Variants in SDK1 observed in about 807,000 individuals in gnomAD.
SDK1 encodes the protein protein sidekick-1.
SDK1 carries 157 observed loss-of-function variants against 245.5 expected under a neutral mutation model. The ratio of observed to expected loss-of-function variants is 0.64; its 90% CI spans 0.56 to 0.73. The LOEUF (loss-of-function observed/expected upper bound fraction) is 0.73, where lower values mean the gene tolerates loss of function less well. SDK1 is among the 30% of genes least tolerant of loss of function. SDK1 has a pLI of 0.00. For missense variants in SDK1, 3,583 were observed against 3,002.3 expected, an observed-to-expected ratio of 1.19 and a Z score of -4.52; for synonymous variants, 1,647 against 1,278.5, an observed-to-expected ratio of 1.29 and a Z score of -6.15.
intron 2 of SDK1, among the ~76,000 whole-genome samples, chr7:3,632,604 T>C (rs1466728928): frequency 6.6e-6 from 1 of 152,212 alleles, no homozygotes; most frequent in Non-Finnish European, 1.5e-5. Context: ...TTAATATGAA[T>C]TTTGAAATAA....
chr7:3,657,110 CG>C (rs1783210773), intron 4 of SDK1, among the ~76,000 whole-genome samples: 1 of 152,102 alleles, frequency 6.6e-6, no homozygotes, highest in Non-Finnish European at 1.5e-5. Flanking sequence ...GGAAAGCTGC[CG>C]TCTAGAAGGA....
At chr7:3,994,909 T>C (rs1027987395) in intron 14 of SDK1, among the ~76,000 whole-genome samples, 11 of 152,070 alleles carry the variant, frequency 7.2e-5, no homozygotes, top group African/African-American at 2.7e-4. Context: ...CTGAGTGGTT[T>C]CCCCTGCCTG....
At chr7:3,864,267 C>G (rs762955522) in intron 5 of SDK1, among the ~76,000 whole-genome samples, 2 of 149,786 alleles carry the variant, frequency 1.3e-5, no homozygotes, top group Admixed American at 6.6e-5. Context: ...AAGTTTACTT[C>G]TCTTCTCCTT....
intron 1 of SDK1, among the ~76,000 whole-genome samples, chr7:3,389,541 G>C (rs571742094): frequency 2.6e-5 from 4 of 152,290 alleles, no homozygotes; most frequent in African/African-American, 9.6e-5. Flanking sequence ...CTCTAGGACT[G>C]TAAGATAATA....
At chr7:4,059,184 A>G (rs1562744756) in intron 19 of SDK1, among the ~76,000 whole-genome samples, 1 of 152,224 alleles carries the variant, frequency 6.6e-6, no homozygotes, top group Admixed American at 6.5e-5. Context: ...CCATGACCCA[A>G]CTATAGGCTG....
intron 1 of SDK1, among the ~76,000 whole-genome samples, chr7:3,593,265 G>A (rs948095204): frequency 2.6e-5 from 4 of 152,062 alleles, no homozygotes; most frequent in African/African-American, 7.2e-5. Context: ...TTTCTACATA[G>A]AAGCACTGCC....
At chr7:3,548,919 GAGACTTCTGTTA>G (rs1409583573) in intron 1 of SDK1, among the ~76,000 whole-genome samples, 1 of 152,138 alleles carries the variant, frequency 6.6e-6, no homozygotes, top group African/African-American at 2.4e-5. Context: ...GCATTAATCG[GAGACTTCTGTTA>G]AGATCCAGCC....
rs969145550 is a variant in SDK1 at position 3,754,661 on chromosome 7, G to A, written c.714-66789G>A. Reference sequence around the variant, plus strand: ...TTGCTGACTGGAGAAACAGCATGACGTGGTTTCTAAGTAAGGGGAAGGGGG... The same window carrying A: ...TTGCTGACTGGAGAAACAGCATGACATGGTTTCTAAGTAAGGGGAAGGGGG... On this transcript the variant is annotated intron_variant, in intron 4 of 44. Transcript: ENST00000404826. Among the ~76,000 whole-genome samples, 7 of 150,852 alleles carry A rather than the reference G, an allele frequency of 4.6e-5. No homozygotes were observed. The South Asian group carries it at 8.4e-4, about 18-fold the overall frequency.
At chr7:3,982,740 T>C (rs1421180153) in intron 13 of SDK1, among the ~76,000 whole-genome samples, 2 of 151,242 alleles carry the variant, frequency 1.3e-5, no homozygotes, top group African/African-American at 4.9e-5. Flanking sequence ...CTCGGGGGGC[T>C]GAGTCAGGAG....
chr7:3,435,166 T>C (rs796397183), intron 1 of SDK1, among the ~76,000 whole-genome samples: 1 of 26,722 alleles, frequency 3.7e-5, no homozygotes, highest in Non-Finnish European at 6.7e-5. Context: ...GTCTCTGTAT[T>C]TTTTTTTTTG....
At chr7:3,442,014 C>T (rs926294426) in intron 1 of SDK1, among the ~76,000 whole-genome samples, 1 of 152,160 alleles carries the variant, frequency 6.6e-6, no homozygotes, top group South Asian at 2.1e-4. Flanking sequence ...AGCATCCTCA[C>T]GCCACAGATG....
chr7:4,206,333 C>T (rs1784224596), intron 36 of SDK1, among the ~76,000 whole-genome samples: 1 of 152,210 alleles, frequency 6.6e-6, no homozygotes, highest in Non-Finnish European at 1.5e-5. Context: ...TCTGGAGCCC[C>T]CAGTACATTG....
At chr7:3,437,516 A>C (rs984590322) in intron 1 of SDK1, among the ~76,000 whole-genome samples, 3 of 152,174 alleles carry the variant, frequency 2.0e-5, no homozygotes, top group African/African-American at 4.8e-5. Flanking sequence ...TCACACTTGT[A>C]ATCTCAGAGC....
chr7:3,401,432 C>G (rs1179287561), intron 1 of SDK1, among the ~76,000 whole-genome samples: 2 of 152,128 alleles, frequency 1.3e-5, no homozygotes, highest in Non-Finnish European at 2.9e-5. Flanking sequence ...TATTCAAAGA[C>G]TTTTTGAGAG....
intron 22 of SDK1, among the ~76,000 whole-genome samples, chr7:4,109,672 GGGCACAA>G (rs1783201692): frequency 6.6e-6 from 1 of 152,340 alleles, no homozygotes; most frequent in Admixed American, 6.5e-5. Context: ...CTCTCCTGGT[GGGCACAA>G]GGCCGTGGCT....
At chr7:4,041,895 C>T (rs1190486044) in intron 17 of SDK1, among the ~76,000 whole-genome samples, 2 of 132,144 alleles carry the variant, frequency 1.5e-5, no homozygotes, top group Admixed American at 1.4e-4. Flanking sequence ...CTCACTGCAA[C>T]CTCCGCCTCC....
chr7:3,443,704 G>A (rs1780261926), intron 1 of SDK1, among the ~76,000 whole-genome samples: 2 of 152,192 alleles, frequency 1.3e-5, no homozygotes, highest in Non-Finnish European at 2.9e-5. Context: ...AACTGAATTT[G>A]TTAAATTCAG....
At chr7:3,639,189 A>G (rs1042112143) in intron 3 of SDK1, 79 bp downstream of exon 3, 6 of 723,802 alleles carry the variant, frequency 8.3e-6, no homozygotes, top group African/African-American at 3.5e-5. Flanking sequence ...ACTTTTCACC[A>G]TTGTAGGAAC....
At chr7:3,539,459 A>C (rs1329115490) in intron 1 of SDK1, among the ~76,000 whole-genome samples, 1 of 152,166 alleles carries the variant, frequency 6.6e-6, no homozygotes, top group Non-Finnish European at 1.5e-5. Flanking sequence ...AGTACGCAGA[A>C]GAGGGTTTCT....
Sources: gnomAD v4.1 joint callset for allele counts (sites outside exome capture counted in the v4.1 genomes callset) on GRCh38, gnomAD v4.1.1 for gene constraint, MANE v1.5 for transcripts, NCBI Gene and HGNC (gene_info 2026-07-23, HGNC 2026-07-21) for gene names.